Variants in TDRD3 observed in about 807,000 individuals in gnomAD.
The protein encoded by TDRD3 is tudor domain containing 3.
Under a neutral mutation model 86.7 loss-of-function variants are expected in TDRD3, and 45 were observed. The observed-to-expected ratio is 0.52, with a 90% CI of 0.41 to 0.67. The LOEUF is 0.67. Among genes scored for constraint, TDRD3 ranks in the 30% least tolerant of loss-of-function variants. The pLI is 0.00. For missense variants in TDRD3, 814 were observed against 889.0 expected (o/e 0.92, Z 1.07); for synonymous variants, 298 against 301.7 (o/e 0.99, Z 0.13).
Position 60,438,602 on chromosome 13 carries a change from CTA to C in TDRD3, c.42-1084_42-1083del, listed in dbSNP as rs980664599. ...CTATTGCTCTTCTGTACTGTTCTAA[CTA>C]TTCACATTTCTTTTCACTTGCTTTT... On this transcript the variant is annotated intron_variant, in intron 1 of 13. Transcript: ENST00000377881. Among the ~76,000 whole-genome samples, 10 of 152,232 alleles carry C rather than the reference CTA, an allele frequency of 6.6e-5. No individual in the cohort carries two copies. In the South Asian group the frequency reaches 1.0e-3, roughly 16 times the overall value.
At chr13:60,544,567 C>T (rs1957894951) in intron 12 of TDRD3, among the ~76,000 whole-genome samples, 1 of 152,004 alleles carries the variant, frequency 6.6e-6, no homozygotes, top group South Asian at 2.1e-4. Flanking sequence ...ACAATTTCTA[C>T]TTTGTGTCAA....
chr13:60,485,610 C>T (rs1043512506), intron 6 of TDRD3, among the ~76,000 whole-genome samples, 189 bp from the exon 7 acceptor site: 1 of 151,928 alleles, frequency 6.6e-6, no homozygotes, highest in Non-Finnish European at 1.5e-5. Flanking sequence ...TTACTAGTTA[C>T]GTTTATTGAA....
At chr13:60,513,242 C>G (rs1957097277) in intron 10 of TDRD3, among the ~76,000 whole-genome samples, 1 of 152,134 alleles carries the variant, frequency 6.6e-6, no homozygotes, top group Non-Finnish European at 1.5e-5. Flanking sequence ...TGCAGGGCAC[C>G]AAGTCCCTAG....
In TDRD3 at chr13:60,521,626, T is replaced by G. The variant is rs147612109; in HGVS notation, c.1142-6741T>G. Among the ~76,000 whole-genome samples the G allele has an allele frequency of 8.7e-3, 1,320 of 152,206 alleles. 18 individuals carry two copies. The highest frequency in any genetic ancestry group is 0.03 in the African/African-American group (1,255 of 41,544). ...ATGAAAGTGTATGGGCCGGGTGCGG[T>G]GGCTCACGCCTGTAATCCCAGCACT... On this transcript the variant is annotated intron_variant, in intron 10 of 13. Transcript: ENST00000377881.
At chr13:60,562,114 C>T (rs1223613865) in intron 12 of TDRD3, among the ~76,000 whole-genome samples, 1 of 151,766 alleles carries the variant, frequency 6.6e-6, no homozygotes, top group East Asian at 1.9e-4. Context: ...AGTTCGAGAC[C>T]AGCCTGGCTA....
chr13:60,426,671 C>T (rs890289746), intron 1 of TDRD3, among the ~76,000 whole-genome samples: 1 of 152,008 alleles, frequency 6.6e-6, no homozygotes, highest in Non-Finnish European at 1.5e-5. Context: ...TTAAGCAGAC[C>T]AATGTTATAG....
At chr13:60,541,473 A>G (rs1957807515) in intron 12 of TDRD3, among the ~76,000 whole-genome samples, 1 of 151,768 alleles carries the variant, frequency 6.6e-6, no homozygotes, top group African/African-American at 2.4e-5. Context: ...AGTCCACGGC[A>G]TTCTTTTATT....
intron 12 of TDRD3, 54 bp downstream of exon 12, chr13:60,535,287 A>G: frequency 6.6e-7 from 1 of 1,509,220 alleles, no homozygotes; most frequent in South Asian, 1.4e-5. Context: ...GAAAATATAT[A>G]GCTCTAAAGA....
chr13:60,482,540 G>T (rs1956339566), intron 5 of TDRD3, among the ~76,000 whole-genome samples: 1 of 152,116 alleles, frequency 6.6e-6, no homozygotes, highest in Non-Finnish European at 1.5e-5. Flanking sequence ...ACTTTTCAAG[G>T]AAATGATAGT....
rs1956072599 is a variant in TDRD3 at position 60,471,304 on chromosome 13, TAATG to T, written c.495+3931_495+3934del. Reference sequence around the variant, plus strand: ...CACTACTTTTTGAAAATAGTGTTCTTAATGAATGATCTTGTCAGCCTTATCAAAA... The same window carrying T: ...CACTACTTTTTGAAAATAGTGTTCTTAATGATCTTGTCAGCCTTATCAAAA... On this transcript the variant is annotated intron_variant, in intron 5 of 13. Coordinates refer to ENST00000377881, the MANE Select transcript of TDRD3 (RefSeq NM_001146070.2). Among the ~76,000 whole-genome samples the T allele has an allele frequency of 3.3e-5, 5 of 152,344 alleles. No homozygotes were observed. The South Asian group carries it at 1.0e-3, about 32-fold the overall frequency.
At chr13:60,466,791 C>CT (rs202044586) in intron 4 of TDRD3, among the ~76,000 whole-genome samples, 6 of 141,464 alleles carry the variant, frequency 4.2e-5, no homozygotes, top group Admixed American at 7.2e-5. Context: ...GAGGCTCTGT[C>CT]TTTTAAAAAA....
chr13:60,494,272 A>G (rs994936998), intron 7 of TDRD3, among the ~76,000 whole-genome samples, 163 bp from the exon 8 acceptor site: 5 of 152,192 alleles, frequency 3.3e-5, no homozygotes, highest in Non-Finnish European at 7.4e-5. Flanking sequence ...TGACTAGTAG[A>G]TATTTTTGCT....
chr13:60,566,668 G>A (rs980483768), intron 12 of TDRD3, among the ~76,000 whole-genome samples: 3 of 152,022 alleles, frequency 2.0e-5, no homozygotes, highest in African/African-American at 7.2e-5. Context: ...CTCTAATAGG[G>A]CACATACTTC....
intron 10 of TDRD3, among the ~76,000 whole-genome samples, chr13:60,511,153 CT>C (rs1455495664): frequency 1.4e-4 from 21 of 152,096 alleles, no homozygotes; most frequent in African/African-American, 4.8e-4. Flanking sequence ...AGTGAAAATG[CT>C]TTCACAATGT....
intron 1 of TDRD3, among the ~76,000 whole-genome samples, chr13:60,398,300 G>A (rs901957611): frequency 6.6e-6 from 1 of 152,094 alleles, no homozygotes; most frequent in Non-Finnish European, 1.5e-5. Flanking sequence ...GGCATTAAAA[G>A]ACCAAACAAA....
intron 12 of TDRD3, among the ~76,000 whole-genome samples, chr13:60,565,814 T>C (rs1380971412): frequency 1.3e-5 from 2 of 152,224 alleles, no homozygotes; most frequent in African/African-American, 4.8e-5. Context: ...GCTATAATAC[T>C]TGAAAATCAT....
intron 12 of TDRD3, among the ~76,000 whole-genome samples, chr13:60,538,572 A>G (rs1459162050): frequency 6.6e-6 from 1 of 152,160 alleles, no homozygotes; most frequent in Non-Finnish European, 1.5e-5. Flanking sequence ...TAAATGAAAC[A>G]TTATGGAGTC....
At chr13:60,473,476 C>T (rs1381408122) in intron 5 of TDRD3, among the ~76,000 whole-genome samples, 1 of 152,032 alleles carries the variant, frequency 6.6e-6, no homozygotes, top group Non-Finnish European at 1.5e-5. Context: ...GGCAAGCCAC[C>T]CAGGTGCCAA....
chr13:60,495,488 C>T (rs1956693157), intron 8 of TDRD3, among the ~76,000 whole-genome samples: 3 of 150,382 alleles, frequency 2.0e-5, no homozygotes, highest in South Asian at 2.1e-4. Context: ...TTTGAGATGG[C>T]ATTTCACTCT....
Sources: gnomAD v4.1 joint callset for allele counts (sites outside exome capture counted in the v4.1 genomes callset) on GRCh38, gnomAD v4.1.1 for gene constraint, MANE v1.5 for transcripts, NCBI Gene and HGNC (gene_info 2026-07-23, HGNC 2026-07-21) for gene names.